Variants in ATAD2B observed in about 807,000 individuals in gnomAD.
ATAD2B encodes ATPase family AAA domain containing 2B, also known as ATPase family AAA domain-containing protein 2B.
A neutral mutation model predicts 167.6 loss-of-function variants in ATAD2B; 40 were observed. The observed-to-expected ratio is 0.24, with a 90% CI of 0.19 to 0.31. The LOEUF (loss-of-function observed/expected upper bound fraction) is 0.31, where lower values mean the gene tolerates loss of function less well. Ranked by LOEUF, ATAD2B falls within the 10% of genes least tolerant of loss-of-function variation. ATAD2B has a pLI of 1.00. For synonymous variants in ATAD2B, 579 were observed against 596.5 expected, an observed-to-expected ratio of 0.97 and a Z score of 0.43; for missense variants, 1,242 against 1,757.2, an observed-to-expected ratio of 0.71 and a Z score of 5.24.
the ATAD2B span, among the ~76,000 whole-genome samples, chr2:23,719,913 C>A: frequency 6.6e-6 from 1 of 152,200 alleles, no homozygotes; most frequent in Non-Finnish European, 1.5e-5. Context: ...TGTTAAGCAG[C>A]GCCATGCTGT....
the ATAD2B span, among the ~76,000 whole-genome samples, chr2:23,719,111 C>T: frequency 6.6e-6 from 1 of 152,334 alleles, no homozygotes; most frequent in South Asian, 2.1e-4. Context: ...AAAGGCACTA[C>T]AGAGCTTTGG....
intron 1 of ATAD2B, among the ~76,000 whole-genome samples, chr2:23,913,430 A>G (rs1702577086): frequency 6.6e-6 from 1 of 152,310 alleles, no homozygotes; most frequent in African/African-American, 2.4e-5. Flanking sequence ...ACTTGAGGTC[A>G]GGAGTTCGAG....
chr2:23,762,278 C>G lies in ATAD2B; in HGVS notation c.3325G>C (p.Glu1109Gln). Residue 1109 changes from glutamate (E) to glutamine (Q), a missense_variant, in exon 24 of 28, where the codon GAA becomes CAA. By Grantham distance (29) the Glu-to-Gln change is conservative. Transcript: ENST00000238789. ...TGARKTETRV[E>Q]EAFRHKQRNP... ...CTTTGTTTGTGCCGAAATGCCTCTT[C>G]GACTCTAGTTTCTGTCTTCCGAGCT... 2 of 1,613,510 alleles carry G rather than the reference C, an allele frequency of 1.2e-6. No homozygotes were observed. The highest frequency in any genetic ancestry group is 1.3e-5 in the African/African-American group (1 of 74,968).
downstream of ATAD2B, among the ~76,000 whole-genome samples, chr2:23,744,755 T>C (rs1674722935): frequency 6.6e-6 from 1 of 152,132 alleles, no homozygotes; most frequent in African/African-American, 2.4e-5. Flanking sequence ...TAAAATAATT[T>C]AAAACACAGA....
chr2:23,859,642 A>G (rs1467335989), intron 12 of ATAD2B, among the ~76,000 whole-genome samples: 3 of 152,064 alleles, frequency 2.0e-5, no homozygotes, highest in African/African-American at 7.2e-5. Context: ...TCCCCTCCAA[A>G]ACTCATGTTG....
intron 27 of ATAD2B, among the ~76,000 whole-genome samples, chr2:23,753,954 C>CA (rs958045202): frequency 6.6e-5 from 10 of 151,066 alleles, no homozygotes; most frequent in Middle Eastern, 3.4e-3. Flanking sequence ...TGTGTTTTGA[C>CA]AAAAAAAAGG....
rs951831395 is a variant in ATAD2B at position 23,762,491 on chromosome 2, CTT to C, written c.3257-147_3257-146del. 32 of 711,044 alleles carry C rather than the reference CTT, an allele frequency of 4.5e-5. No homozygotes were observed. The African/African-American group carries it at 5.6e-4, about 12-fold the overall frequency. 44.0% of individuals were successfully genotyped at this position (711,044 alleles called of 1,614,324 possible). A position where few individuals can be genotyped will look rare whatever the true frequency, so the allele number is the denominator to read the frequency against. ...TTTGCAGTTCCAATGAAAGCAGTGT[CTT>C]TTGTTTTAAGATGGGTAAGAAACTT... On this transcript the variant is annotated intron_variant, in intron 23 of 27. Transcript: ENST00000238789.
At chr2:23,708,184 A>G in the ATAD2B span, 9 of 152,264 alleles carry the variant, frequency 5.9e-5, no homozygotes, top group African/African-American at 1.7e-4. Flanking sequence ...ATCAACTTCT[A>G]GCACTACGAG....
intron 13 of ATAD2B, among the ~76,000 whole-genome samples, chr2:23,843,881 C>G (rs1254804927): frequency 6.6e-6 from 1 of 152,104 alleles, no homozygotes; most frequent in Non-Finnish European, 1.5e-5. Flanking sequence ...GCATCAGTAG[C>G]AGGGAATAAT....
intron 22 of ATAD2B, among the ~76,000 whole-genome samples, chr2:23,766,843 G>T (rs908614649): frequency 1.3e-5 from 2 of 150,980 alleles, no homozygotes; most frequent in Middle Eastern, 3.4e-3. Context: ...AAGTCAGGAA[G>T]AAGACTCTCT....
chr2:23,827,056 T>G (rs1315546872), intron 15 of ATAD2B, among the ~76,000 whole-genome samples: 1 of 152,168 alleles, frequency 6.6e-6, no homozygotes, highest in Non-Finnish European at 1.5e-5. Context: ...AATTACTATT[T>G]CACGCCCGTT....
At chr2:23,733,393 CA>C in the ATAD2B span, among the ~76,000 whole-genome samples, 1 of 152,298 alleles carries the variant, frequency 6.6e-6, no homozygotes, top group East Asian at 1.9e-4. Context: ...TGATTAGTCT[CA>C]ATTGCTAGAC....
At chr2:23,703,654 GAAAGA>G in the ATAD2B span, 3 of 1,469,400 alleles carry the variant, frequency 2.0e-6, no homozygotes, top group Non-Finnish European at 2.7e-6. Context: ...GGTCTTCTGG[GAAAGA>G]AAAGGAGAGG....
At chr2:23,807,432 TAACA>T (rs1430950990) in intron 18 of ATAD2B, among the ~76,000 whole-genome samples, 1 of 152,166 alleles carries the variant, frequency 6.6e-6, no homozygotes, top group African/African-American at 2.4e-5. Flanking sequence ...AGACTGAAGA[TAACA>T]AACAAAATTC....
intron 7 of ATAD2B, among the ~76,000 whole-genome samples, chr2:23,877,576 G>C (rs1239569472): frequency 8.4e-6 from 1 of 118,420 alleles, no homozygotes; most frequent in Non-Finnish European, 1.8e-5. Context: ...GGGAGGGGAG[G>C]GAAGGAAGGG....
At chr2:23,841,959 T>C (rs895324953) in intron 13 of ATAD2B, among the ~76,000 whole-genome samples, 6 of 152,210 alleles carry the variant, frequency 3.9e-5, no homozygotes, top group Admixed American at 6.5e-5. Flanking sequence ...ATATTTGTTT[T>C]TGTGCTATTT....
chr2:23,800,666 T>C (rs1683337106), intron 18 of ATAD2B, among the ~76,000 whole-genome samples: 1 of 152,150 alleles, frequency 6.6e-6, no homozygotes, highest in Non-Finnish European at 1.5e-5. Context: ...CATTAAAAAA[T>C]TTAGAAATTT....
At chr2:23,716,034 T>A in the ATAD2B span, among the ~76,000 whole-genome samples, 2 of 152,258 alleles carry the variant, frequency 1.3e-5, no homozygotes, top group African/African-American at 4.8e-5. Flanking sequence ...CCTGTTAAAA[T>A]ACTTTGCACT....
At chr2:23,683,653 G>A in the ATAD2B span, among the ~76,000 whole-genome samples, 15 of 152,174 alleles carry the variant, frequency 9.9e-5, no homozygotes, top group African/African-American at 3.1e-4. Flanking sequence ...GGGAGCCTCC[G>A]AGGCCACTTC....
Sources: gnomAD v4.1 joint callset for allele counts (sites outside exome capture counted in the v4.1 genomes callset) on GRCh38, gnomAD v4.1.1 for gene constraint, MANE v1.5 for transcripts, NCBI Gene and HGNC (gene_info 2026-07-23, HGNC 2026-07-21) for gene names.